ASPH: variants seen among roughly 807,000 people sequenced by gnomAD.
ASPH encodes aspartate beta-hydroxylase, also known as aspartyl/asparaginyl beta-hydroxylase.
In ASPH, 100 loss-of-function variants were observed where a neutral mutation model predicts 118.4. The observed-to-expected ratio is 0.84, with a 90% CI of 0.72 to 1.00. The LOEUF (loss-of-function observed/expected upper bound fraction) is 1.00, where lower values mean the gene tolerates loss of function less well. ASPH is among the 50% of genes least tolerant of loss of function. The probability of loss-of-function intolerance (pLI) is 0.00; values close to 1 mark genes in which losing one functional copy is unlikely to be tolerated. For missense variants in ASPH, 920 were observed against 919.5 expected (o/e 1.00, Z -0.01); for synonymous variants, 315 against 325.6 (o/e 0.97, Z 0.35).
At chr8:61,703,306 C>T (rs1835719073) in intron 1 of ASPH, among the ~76,000 whole-genome samples, 3 of 152,038 alleles carry the variant, frequency 2.0e-5, no homozygotes, top group Admixed American at 2.0e-4. Context: ...TGCAGTAAGG[C>T]AAGAAAAGAC....
intron 3 of ASPH, chr8:61,662,018 C>A (rs183119660): frequency 2.7e-6 from 1 of 366,936 alleles, no homozygotes; most frequent in Admixed American, 4.6e-5. Context: ...CATTCACATA[C>A]GAAGCCATTA....
intron 21 of ASPH, among the ~76,000 whole-genome samples, chr8:61,547,509 G>A (rs187278581): frequency 6.6e-6 from 1 of 152,234 alleles, no homozygotes; most frequent in Admixed American, 6.5e-5. Context: ...ACACAGTAGA[G>A]TTTTCCAGAA....
At chr8:61,636,520 G>A (rs1218528861) in intron 12 of ASPH, among the ~76,000 whole-genome samples, 1 of 152,136 alleles carries the variant, frequency 6.6e-6, no homozygotes, top group Non-Finnish European at 1.5e-5. Context: ...TGTCCACTCA[G>A]GCACTACAGG....
rs577866428 is a variant in ASPH, at chr8:61,633,787, C to T, written c.890-60G>A. ...ATTGCTGATCAGTGTTTAAAATATG[C>T]GTTGCCAGATTTAAGTAATGATGAT... On this transcript the variant is annotated intron_variant, in intron 12 of 24. Transcript: ENST00000379454. 1.3e-4 allele frequency: 153 copies of T among 1,163,152 alleles called. 1 individual carries two copies. In the East Asian group the frequency reaches 2.9e-3, roughly 22 times the overall value. The allele number at this position is 1,163,152 out of a possible 1,614,324, so 72.1% of individuals were successfully genotyped here.
chr8:61,587,267 ATAT>A (rs1427049402), intron 14 of ASPH, among the ~76,000 whole-genome samples: 1 of 152,218 alleles, frequency 6.6e-6, no homozygotes, highest in Non-Finnish European at 1.5e-5. Context: ...GCATGCCATT[ATAT>A]GTTACCATAT....
At chr8:61,524,411 T>G (rs1486035118) in intron 22 of ASPH, among the ~76,000 whole-genome samples, 1 of 151,376 alleles carries the variant, frequency 6.6e-6, no homozygotes, top group African/African-American at 2.4e-5. Context: ...AAATACAAAT[T>G]CAGGAATTAG....
chr8:61,685,100 C>T (rs1001155989), intron 1 of ASPH, among the ~76,000 whole-genome samples: 3 of 152,104 alleles, frequency 2.0e-5, no homozygotes, highest in African/African-American at 7.2e-5. Flanking sequence ...AAAGTGCTTT[C>T]ATGTGCTTTG....
At chr8:61,702,966 G>A (rs553858270) in intron 1 of ASPH, among the ~76,000 whole-genome samples, 2 of 151,846 alleles carry the variant, frequency 1.3e-5, no homozygotes, top group East Asian at 3.9e-4. Flanking sequence ...GAGGAGGAGA[G>A]GAAAAAAGGA....
chr8:61,522,333 C>T (rs917906478), intron 22 of ASPH, among the ~76,000 whole-genome samples: 1 of 152,154 alleles, frequency 6.6e-6, no homozygotes, highest in African/African-American at 2.4e-5. Context: ...AGTGTATTTT[C>T]TCACAGTTCT....
intron 10 of ASPH, 29 bp from the exon 11 acceptor site, chr8:61,638,392 C>A (rs759505553): frequency 2.6e-6 from 4 of 1,526,454 alleles, no homozygotes; most frequent in African/African-American, 2.8e-5. Context: ...AAACAAAATC[C>A]CGTAACTTTC....
At chr8:61,632,574 T>C (rs1031251787) in intron 13 of ASPH, 5 of 434,634 alleles carry the variant, frequency 1.2e-5, no homozygotes, top group East Asian at 6.5e-5. Flanking sequence ...CACTGCCTAG[T>C]AGTCATCATG....
intron 7 of ASPH, among the ~76,000 whole-genome samples, chr8:61,644,246 A>G (rs1407977063): frequency 6.6e-6 from 1 of 152,278 alleles, no homozygotes; most frequent in Admixed American, 6.5e-5. Flanking sequence ...AAGTGCTGAC[A>G]GATGATGCGC....
rs1805291209 is a variant in ASPH, at chr8:61,503,491, C to T, written c.2145G>A (p.Lys715=). Residue 715 remains lysine (K), a synonymous_variant, in exon 25 of 25, where the codon AAG becomes AAA. Coordinates refer to ENST00000379454, the MANE Select transcript of ASPH (RefSeq NM_004318.4). ...CAAAGGAGTCATCAAAGATGAGCACCTTGCCTTCCTCCCAGGTCCTGCAGC... is the reference window on the plus strand; with the variant it reads ...CAAAGGAGTCATCAAAGATGAGCACTTTGCCTTCCTCCCAGGTCCTGCAGC... ...ANETKTWEEG[K]VLIFDDSFEH... 6.2e-7 allele frequency: 1 copy of T among 1,611,530 alleles called. No individual in the cohort carries two copies. The highest frequency in any genetic ancestry group is 8.5e-7 in the Non-Finnish European group (1 of 1,178,786).
intron 3 of ASPH, chr8:61,676,119 C>CCCCTTCATTCTGTGACGTACCATCAA (rs778947617): frequency 1.9e-6 from 3 of 1,599,426 alleles, no homozygotes; most frequent in Non-Finnish European, 2.5e-6. Context: ...TTTCCCTGAA[C>CCCCTTCATTCTGTGACGTACCATCAA]CCCTTCATTC....
chr8:61,644,624 G>A lies in ASPH; in HGVS notation c.628C>T (p.His210Tyr). Reference protein sequence around the residue: ...EPEVSHEETEHSYHVEETVSQ... With the variant: ...EPEVSHEETEYSYHVEETVSQ... ...CCTGTCTCTTCCACGTGGTAACTATGCTCGGTTTCTGGAAAAAAAAAAATT... is the reference window on the plus strand; with the variant it reads ...CCTGTCTCTTCCACGTGGTAACTATACTCGGTTTCTGGAAAAAAAAAAATT... Residue 210 changes from histidine (H) to tyrosine (Y), a missense_variant, in exon 7 of 25, where the codon CAT becomes TAT. His to Tyr is a moderately conservative substitution (Grantham distance 83, BLOSUM62 2). Coordinates refer to ENST00000379454, the MANE Select transcript of ASPH (RefSeq NM_004318.4). 6.3e-7 allele frequency: 1 copy of A among 1,585,452 alleles called. No individual in the cohort carries two copies. Among genetic ancestry groups the A allele is most frequent in the Admixed American group, 1.7e-5 (1 of 57,148 alleles).
chr8:61,523,158 T>C (rs1186764918), intron 22 of ASPH, among the ~76,000 whole-genome samples: 1 of 152,114 alleles, frequency 6.6e-6, no homozygotes, highest in Non-Finnish European at 1.5e-5. Flanking sequence ...CTAAGCAAAC[T>C]GGTCACTCAC....
chr8:61,679,091 C>T (rs1826673863), intron 3 of ASPH, among the ~76,000 whole-genome samples: 1 of 152,108 alleles, frequency 6.6e-6, no homozygotes, highest in African/African-American at 2.4e-5. Context: ...AACTCAAATG[C>T]TATGAAATAA....
At chr8:61,540,978 G>A (rs185886738) in intron 21 of ASPH, among the ~76,000 whole-genome samples, 175 of 152,080 alleles carry the variant, frequency 1.2e-3, no homozygotes, top group African/African-American at 4.1e-3. Context: ...GGAAATGAGA[G>A]GCCGGGCACG....
intron 14 of ASPH, among the ~76,000 whole-genome samples, chr8:61,599,237 A>T (rs1037920211): frequency 6.6e-6 from 1 of 152,198 alleles, no homozygotes. Context: ...ACCAAACAAC[A>T]CATGTTCTCA....
Sources: allele counts gnomAD v4.1 joint callset (sites outside exome capture counted in the v4.1 genomes callset), GRCh38; gene constraint gnomAD v4.1.1; transcripts MANE v1.5; gene names NCBI Gene and HGNC (gene_info 2026-07-23, HGNC 2026-07-21).